PUM1: variants seen among roughly 807,000 people sequenced by gnomAD.
The protein encoded by PUM1 is pumilio homolog 1.
In PUM1, 13 loss-of-function variants were observed where a neutral mutation model predicts 131.8. The observed-to-expected ratio is 0.10, with a 90% CI of 0.06 to 0.16. The LOEUF is 0.16. Among genes scored for constraint, PUM1 ranks in the 10% least tolerant of loss-of-function variants. The pLI, the probability that PUM1 is intolerant of heterozygous loss-of-function variation, is 1.00. For synonymous variants in PUM1, 509 were observed against 556.5 expected (o/e 0.91, Z 1.20); for missense variants, 961 against 1,512.4 (o/e 0.64, Z 6.05).
intron 2 of PUM1, among the ~76,000 whole-genome samples, chr1:31,043,005 C>A (rs970321658): frequency 3.3e-5 from 5 of 151,846 alleles, no homozygotes; most frequent in Admixed American, 3.3e-4. Context: ...CAGGCATGAG[C>A]CACCACGCCT....
At chr1:31,046,105 G>A (rs970520082) in intron 2 of PUM1, among the ~76,000 whole-genome samples, 1 of 148,952 alleles carries the variant, frequency 6.7e-6, no homozygotes, top group Non-Finnish European at 1.5e-5. Flanking sequence ...AAAAAAAAAG[G>A]GCTGGGGGCG....
chr1:30,964,647 AG>A (rs1228672281), intron 14 of PUM1, 26 bp downstream of exon 14: 2 of 1,558,238 alleles, frequency 1.3e-6, no homozygotes. Flanking sequence ...CTAGAGTTCA[AG>A]GTGGTGTTAG....
In PUM1 at chr1:30,939,662, T is replaced by C. The variant is rs574690575; in HGVS notation, c.3242+1489A>G. Among the ~76,000 whole-genome samples the C allele has an allele frequency of 1.2e-4, 19 of 152,332 alleles. No individual in the cohort carries two copies. In the East Asian group the frequency reaches 3.5e-3, roughly 28 times the overall value. Reference sequence around the variant, plus strand: ...TTTTGTCCACAGTTTACACATGTTATCAATGGGAGGACTGGGCCCACAGTA... The same window carrying C: ...TTTTGTCCACAGTTTACACATGTTACCAATGGGAGGACTGGGCCCACAGTA... On this transcript the variant is annotated intron_variant, in intron 20 of 21. Coordinates refer to ENST00000426105, the MANE Select transcript of PUM1 (RefSeq NM_001020658.2).
intron 10 of PUM1, 140 bp from the exon 11 acceptor site, chr1:30,968,632 C>G (rs1452055073): frequency 1.3e-6 from 1 of 768,976 alleles, no homozygotes; most frequent in African/African-American, 1.8e-5. Context: ...CAGCTGTTAG[C>G]GTATAAATTC....
chr1:31,058,283 T>G (rs1644291639), intron 2 of PUM1, among the ~76,000 whole-genome samples: 1 of 152,154 alleles, frequency 6.6e-6, no homozygotes, highest in Non-Finnish European at 1.5e-5. Context: ...TTCAAAAATA[T>G]GTATCTATCC....
chr1:30,948,480 C>A (rs901244790), intron 17 of PUM1, among the ~76,000 whole-genome samples: 7 of 152,066 alleles, frequency 4.6e-5, no homozygotes, highest in Non-Finnish European at 8.8e-5. Context: ...ACAACGACAG[C>A]TGGGTATGGT....
chr1:30,980,023 A>C, intron 9 of PUM1, 39 bp downstream of exon 9: 1 of 1,417,876 alleles, frequency 7.1e-7, no homozygotes, highest in Non-Finnish European at 9.7e-7. Context: ...ATGACTTTTC[A>C]GCAGGTGAGA....
At chr1:30,961,427 G>A (rs1640402689) in intron 14 of PUM1, among the ~76,000 whole-genome samples, 1 of 151,922 alleles carries the variant, frequency 6.6e-6, no homozygotes, top group African/African-American at 2.4e-5. Context: ...GGGAAGCTGG[G>A]GTGGAAAGAT....
chr1:30,992,364 G>A (rs1641826560), intron 7 of PUM1, 26 bp downstream of exon 7: 1 of 1,603,710 alleles, frequency 6.2e-7, no homozygotes. Context: ...GGAGAGTAGA[G>A]AGGGTGACAG....
intron 20 of PUM1, among the ~76,000 whole-genome samples, chr1:30,940,045 C>G (rs997542792): frequency 6.6e-6 from 1 of 152,066 alleles, no homozygotes; most frequent in Non-Finnish European, 1.5e-5. Flanking sequence ...TCAAAAGGAA[C>G]CCCCCAAAAC....
In PUM1 at chr1:30,950,160, A is replaced by T. The variant is rs139211389; in HGVS notation, c.2823T>A (p.Ala941=). The change falls in exon 17 of 22, where the codon GCT becomes GCA. Residue 941 remains alanine (A), a synonymous_variant. Coordinates refer to ENST00000426105, the MANE Select transcript of PUM1 (RefSeq NM_001020658.2). ...QMYGCRVIQK[A]LEFIPSDQQV... ...GCTGGTCTGAAGGAATAAACTCAAG[A>T]GCTTTCTGGATAACACGGCAGCCAT... 1 of 1,613,852 alleles carries T rather than the reference A, an allele frequency of 6.2e-7. No homozygotes were observed. Among genetic ancestry groups the T allele is most frequent in the Non-Finnish European group, 8.5e-7 (1 of 1,179,862 alleles).
At chr1:30,938,651 T>A (rs1639310995) in intron 20 of PUM1, among the ~76,000 whole-genome samples, 1 of 152,096 alleles carries the variant, frequency 6.6e-6, no homozygotes, top group African/African-American at 2.4e-5. Context: ...GATCATGAGG[T>A]CAGGAGATCG....
At chr1:30,986,191 G>A (rs1391242114) in intron 7 of PUM1, among the ~76,000 whole-genome samples, 1 of 152,136 alleles carries the variant, frequency 6.6e-6, no homozygotes, top group African/African-American at 2.4e-5. Context: ...CTGACCTTGG[G>A]TGTCCTGCCA....
intron 1 of PUM1, among the ~76,000 whole-genome samples, chr1:31,060,161 T>C (rs1644336629): frequency 6.7e-6 from 1 of 148,672 alleles, no homozygotes; most frequent in Non-Finnish European, 1.5e-5. Flanking sequence ...AAAGCCTTTT[T>C]AAAACTATCA....
chr1:30,963,437 T>TA (rs1557557128), intron 14 of PUM1, among the ~76,000 whole-genome samples: 1 of 152,234 alleles, frequency 6.6e-6, no homozygotes, highest in Non-Finnish European at 1.5e-5. Context: ...GTTCTACAAC[T>TA]AAAGTTCTTA....
chr1:30,979,963 C>G (rs1641295693), intron 9 of PUM1, 99 bp downstream of exon 9: 2 of 802,024 alleles, frequency 2.5e-6, no homozygotes, highest in Admixed American at 6.0e-5. Context: ...ATAATCTCCA[C>G]TGGAGACATG....
chr1:30,995,492 T>C (rs1440117204), intron 5 of PUM1, among the ~76,000 whole-genome samples: 3 of 152,166 alleles, frequency 2.0e-5, no homozygotes, highest in Non-Finnish European at 2.9e-5. Context: ...CCTTCCTTTT[T>C]TTTCTTCCTT....
chr1:30,981,488 A>G (rs941941394), intron 7 of PUM1, 83 bp from the exon 8 acceptor site: 2 of 783,298 alleles, frequency 2.6e-6, no homozygotes, highest in Non-Finnish European at 4.2e-6. Context: ...AAAAATTTTA[A>G]TAAGCACTTG....
At chr1:30,977,393 G>A (rs1459600229) in intron 9 of PUM1, among the ~76,000 whole-genome samples, 1 of 152,122 alleles carries the variant, frequency 6.6e-6, no homozygotes, top group Non-Finnish European at 1.5e-5. Flanking sequence ...TAGTCCCAAC[G>A]CTCTCCCAAA....
Sources: allele counts gnomAD v4.1 joint callset (sites outside exome capture counted in the v4.1 genomes callset), GRCh38; gene constraint gnomAD v4.1.1; transcripts MANE v1.5; gene names NCBI Gene and HGNC (gene_info 2026-07-23, HGNC 2026-07-21).